The following NBAS variants were observed in gnomAD, a reference collection of about 807,000 sequenced individuals.
NBAS encodes the protein NBAS subunit of NRZ tethering complex.
Under a neutral mutation model 302.5 loss-of-function variants are expected in NBAS, and 219 were observed. That is an observed-to-expected ratio of 0.72 (90% confidence interval 0.65 to 0.81). The LOEUF (loss-of-function observed/expected upper bound fraction) is 0.81, where lower values mean the gene tolerates loss of function less well. NBAS is among the 30% of genes least tolerant of loss of function. The pLI is 0.00. For synonymous variants in NBAS, 1,118 were observed against 1,021.6 expected (o/e 1.09, Z -1.80); for missense variants, 2,932 against 2,841.6 (o/e 1.03, Z -0.72).
At chr2:15,144,636 C>T in the NBAS span, among the ~76,000 whole-genome samples, 6 of 152,244 alleles carry the variant, frequency 3.9e-5, no homozygotes, top group South Asian at 1.0e-3. Context: ...CACATCACTA[C>T]AGCACACATC....
At chr2:15,182,948 T>A (rs1362522502) in intron 50 of NBAS, among the ~76,000 whole-genome samples, 1 of 151,796 alleles carries the variant, frequency 6.6e-6, no homozygotes, top group African/African-American at 2.4e-5. Context: ...GAAATGGAGA[T>A]GAAGAAAAAG....
the NBAS span, among the ~76,000 whole-genome samples, chr2:15,047,370 C>T: frequency 1.3e-5 from 2 of 151,288 alleles, no homozygotes; most frequent in Non-Finnish European, 1.5e-5. Context: ...CGCAGGAAGG[C>T]GGGGCTTATG....
At chr2:14,873,262 T>C in the NBAS span, among the ~76,000 whole-genome samples, 1 of 150,610 alleles carries the variant, frequency 6.6e-6, no homozygotes, top group Non-Finnish European at 1.5e-5. Context: ...GACTGATGCA[T>C]TTACAACCCT....
chr2:15,413,478 A>C (rs1676779404), intron 25 of NBAS, among the ~76,000 whole-genome samples: 1 of 152,236 alleles, frequency 6.6e-6, no homozygotes, highest in South Asian at 2.1e-4. Context: ...GTTTCATAGC[A>C]GAGAGAATCT....
chr2:15,196,026 T>C (rs1046005400), intron 48 of NBAS, among the ~76,000 whole-genome samples: 2 of 152,346 alleles, frequency 1.3e-5, no homozygotes, highest in Middle Eastern at 3.4e-3. Flanking sequence ...GACAGGGCAC[T>C]TGAATCTCTC....
At chr2:14,915,507 G>A in the NBAS span, among the ~76,000 whole-genome samples, 3 of 152,220 alleles carry the variant, frequency 2.0e-5, no homozygotes, top group African/African-American at 7.2e-5. Flanking sequence ...GAATCATGGG[G>A]TTGGGTCTTT....
chr2:15,382,578 AG>A (rs1170704497), intron 29 of NBAS, among the ~76,000 whole-genome samples: 1 of 152,164 alleles, frequency 6.6e-6, no homozygotes, highest in Non-Finnish European at 1.5e-5. Flanking sequence ...GTGCAAAGTG[AG>A]GGAAACATGA....
intron 21 of NBAS, among the ~76,000 whole-genome samples, chr2:15,439,806 T>C (rs13407237): frequency 0.025 from 3,876 of 152,318 alleles, 175 homozygotes; most frequent in African/African-American, 0.088. Context: ...CCCACACGAA[T>C]ACTGCGCTTT....
intron 28 of NBAS, 33 bp downstream of exon 28, chr2:15,394,194 T>C (rs1675751956): frequency 6.5e-7 from 1 of 1,543,656 alleles, no homozygotes; most frequent in Non-Finnish European, 8.7e-7. Flanking sequence ...TTAAAATTAA[T>C]TGACCCAAGT....
chr2:15,212,663 G>A (rs1666468412), intron 48 of NBAS, among the ~76,000 whole-genome samples: 1 of 152,186 alleles, frequency 6.6e-6, no homozygotes, highest in Non-Finnish European at 1.5e-5. Flanking sequence ...CTGGTGGGAG[G>A]TAACTGAAGC....
At chr2:15,324,838 G>A (rs1671990345) in intron 38 of NBAS, among the ~76,000 whole-genome samples, 2 of 152,272 alleles carry the variant, frequency 1.3e-5, no homozygotes, top group South Asian at 4.1e-4. Context: ...ACAAGAGAAC[G>A]TCACTATTTG....
chr2:15,407,307 T>C (rs973800603), intron 25 of NBAS, among the ~76,000 whole-genome samples: 4 of 152,164 alleles, frequency 2.6e-5, no homozygotes, highest in African/African-American at 9.7e-5. Context: ...AGCCAAAAGT[T>C]TAAGGGGTTA....
At chr2:15,146,504 G>T in the NBAS span, among the ~76,000 whole-genome samples, 1 of 152,098 alleles carries the variant, frequency 6.6e-6, no homozygotes, top group East Asian at 1.9e-4. Context: ...GAAGCAGATG[G>T]GTAGAAGCAG....
intron 51 of NBAS, among the ~76,000 whole-genome samples, chr2:15,178,385 C>A (rs1664655526): frequency 6.6e-6 from 1 of 152,076 alleles, no homozygotes; most frequent in Non-Finnish European, 1.5e-5. Flanking sequence ...CTATCTAATC[C>A]TAAAGTGGAA....
chr2:15,290,973 C>T (rs1670279930), intron 41 of NBAS, among the ~76,000 whole-genome samples: 1 of 152,152 alleles, frequency 6.6e-6, no homozygotes, highest in African/African-American at 2.4e-5. Context: ...AGTTTGCCAC[C>T]TTCTCAAGGA....
At chr2:15,333,795 G>A (rs1240160831) in intron 35 of NBAS, among the ~76,000 whole-genome samples, 2 of 139,948 alleles carry the variant, frequency 1.4e-5, no homozygotes, top group Non-Finnish European at 3.1e-5. Context: ...GTCAGTAACA[G>A]ATAAACTATA....
the NBAS span, among the ~76,000 whole-genome samples, chr2:14,949,096 T>C: frequency 6.6e-6 from 1 of 152,010 alleles, no homozygotes; most frequent in Non-Finnish European, 1.5e-5. Context: ...TCAAATCAAA[T>C]TGGATTACAG....
chr2:15,474,438 C>T lies in NBAS; in HGVS notation c.1342-114G>A, dbSNP rs1340594525. The T allele has an allele frequency of 2.7e-6, 3 of 1,115,234 alleles. No homozygotes were observed. The East Asian group carries it at 7.7e-5, about 29-fold the overall frequency. 69.1% of individuals were successfully genotyped at this position (1,115,234 alleles called of 1,614,324 possible). On this transcript the variant is annotated intron_variant, in intron 14 of 51. Transcript: ENST00000281513. The stretch of plus-strand genomic sequence containing the variant: ...ACTCTGGTTTGATTCATTAAATCAG[C>T]TATGTGATCAAGATTAACAATGGAA...
In NBAS at chr2:15,558,723, T is replaced by C. The variant is rs947938634; in HGVS notation, c.118-89A>G. 4.9e-6 allele frequency: 5 copies of C among 1,010,522 alleles called. No individual in the cohort carries two copies. The East Asian group carries it at 1.0e-4, about 21-fold the overall frequency. The allele number at this position is 1,010,522 out of a possible 1,614,324, so 62.6% of individuals were successfully genotyped here. A position where few individuals can be genotyped will look rare whatever the true frequency, so the allele number is the denominator to read the frequency against. ...TATACAATATGTAAACTTATTTTTA[T>C]TTACTAATACTCAGAGTTTTGGGCA... is the stretch of plus-strand genomic sequence containing the variant. On this transcript the variant is annotated intron_variant, in intron 1 of 51. Coordinates refer to ENST00000281513, the MANE Select transcript of NBAS (RefSeq NM_015909.4).
Sources: gnomAD v4.1 joint callset for allele counts (sites outside exome capture counted in the v4.1 genomes callset) on GRCh38, gnomAD v4.1.1 for gene constraint, MANE v1.5 for transcripts, NCBI Gene and HGNC (gene_info 2026-07-23, HGNC 2026-07-21) for gene names.